The following MMS19 variants were observed in gnomAD, a reference collection of about 807,000 sequenced individuals.
The protein encoded by MMS19 is MMS19 nucleotide excision repair protein homolog.
In MMS19, 77 loss-of-function variants were observed where a neutral mutation model predicts 129.8. The observed-to-expected ratio is 0.59, with a 90% CI of 0.49 to 0.72. The LOEUF is 0.72. MMS19 is among the 30% of genes least tolerant of loss of function. The pLI is 0.00. For missense variants in MMS19, 1,168 were observed against 1,266.3 expected (o/e 0.92, Z 1.18); for synonymous variants, 491 against 502.8 (o/e 0.98, Z 0.31).
At chr10:97,496,754 C>T (rs2039870065) in intron 1 of MMS19, among the ~76,000 whole-genome samples, 3 of 152,080 alleles carry the variant, frequency 2.0e-5, no homozygotes, top group African/African-American at 2.4e-5. Flanking sequence ...AATCAGTGAA[C>T]GTACACTTAA....
chr10:97,463,753 C>CT (rs1394174860), intron 19 of MMS19, 105 bp downstream of exon 19: 225 of 1,042,096 alleles, frequency 2.2e-4, no homozygotes, highest in Non-Finnish European at 9.0e-5. Flanking sequence ...AAATAAACCT[C>CT]TGATGGTACA....
chr10:97,469,825 A>G (rs2034311087), intron 10 of MMS19, 102 bp from the exon 11 acceptor site: 12 of 941,120 alleles, frequency 1.3e-5, no homozygotes, highest in Middle Eastern at 6.1e-4. Flanking sequence ...TGGTCTCAGC[A>G]GAAAAACCAG....
At chr10:97,470,290 A>T in intron 9 of MMS19, 87 bp from the exon 10 acceptor site, 1 of 891,278 alleles carries the variant, frequency 1.1e-6, no homozygotes, top group Non-Finnish European at 1.8e-6. Context: ...ATCAGTCCCT[A>T]AAAGCAGGTA....
At chr10:97,460,463 T>C (rs1471794186) in intron 25 of MMS19, 1 of 619,216 alleles carries the variant, frequency 1.6e-6, no homozygotes, top group Non-Finnish European at 2.8e-6. Flanking sequence ...CCCAGCTACT[T>C]GCGAGGCTGA....
chr10:97,466,243 G>A, intron 16 of MMS19, 84 bp from the exon 17 acceptor site: 1 of 1,150,910 alleles, frequency 8.7e-7, no homozygotes, highest in South Asian at 1.3e-5. Context: ...AGATTCAGGA[G>A]TGTGAGCTCC....
At chr10:97,476,645 CA>C (rs781709075) in intron 8 of MMS19, 37 bp downstream of exon 8, 2 of 1,602,980 alleles carry the variant, frequency 1.2e-6, no homozygotes, top group Non-Finnish European at 1.7e-6. Context: ...AGCAGACACT[CA>C]ATAAATATAT....
At chr10:97,462,179 C>T (rs2032163862) in intron 20 of MMS19, 60 bp from the exon 21 acceptor site, 2 of 1,221,030 alleles carry the variant, frequency 1.6e-6, no homozygotes, top group Non-Finnish European at 2.4e-6. Flanking sequence ...CCCTCTCCTC[C>T]ACAGACGTGC....
intron 1 of MMS19, among the ~76,000 whole-genome samples, chr10:97,487,779 A>T (rs1003700936): frequency 6.6e-6 from 1 of 152,238 alleles, no homozygotes; most frequent in Non-Finnish European, 1.5e-5. Flanking sequence ...CCGATATATA[A>T]AGAGTTCCCA....
chr10:97,488,093 T>A (rs897890001), intron 1 of MMS19, among the ~76,000 whole-genome samples: 17 of 150,798 alleles, frequency 1.1e-4, no homozygotes, highest in Non-Finnish European at 2.2e-4. Flanking sequence ...TGTCTCAAAA[T>A]AAATAAATAA....
chr10:97,498,772 G>C (rs2040261688), upstream of MMS19: 1 of 280,976 alleles, frequency 3.6e-6, no homozygotes, highest in African/African-American at 2.2e-5. Flanking sequence ...CCTGGGGCGG[G>C]TGGTGGCGGC....
At chr10:97,485,232 G>A (rs1262888457) in intron 1 of MMS19, among the ~76,000 whole-genome samples, 2 of 151,886 alleles carry the variant, frequency 1.3e-5, no homozygotes, top group African/African-American at 2.4e-5. Flanking sequence ...GGGTTCAAGC[G>A]ATTCTCCTGC....
At chr10:97,459,778 CT>C in intron 26 of MMS19, 37 bp from the exon 27 acceptor site, 1 of 1,485,490 alleles carries the variant, frequency 6.7e-7, no homozygotes, top group Non-Finnish European at 9.3e-7. Context: ...AGAAATTGGA[CT>C]TAGATATATA....
intron 2 of MMS19, among the ~76,000 whole-genome samples, chr10:97,482,733 TATATACACAC>T (rs1165942862): frequency 8.8e-6 from 1 of 114,264 alleles, no homozygotes; most frequent in East Asian, 2.5e-4. Context: ...TGTGTGTATA[TATATACACAC>T]ACACACACAC....
At chr10:97,477,533 C>A (rs917446514) in intron 5 of MMS19, 117 bp from the exon 6 acceptor site, 5 of 1,382,444 alleles carry the variant, frequency 3.6e-6, no homozygotes, top group Non-Finnish European at 5.0e-6. Context: ...AGCATAAGAT[C>A]AATCTAAGAG....
chr10:97,494,411 G>C (rs2039451176), intron 1 of MMS19, among the ~76,000 whole-genome samples: 1 of 152,194 alleles, frequency 6.6e-6, no homozygotes. Flanking sequence ...GGGAAGTGAG[G>C]GGAAGCGGGT....
intron 1 of MMS19, among the ~76,000 whole-genome samples, chr10:97,495,102 A>G (rs539731877): frequency 6.6e-6 from 1 of 152,230 alleles, no homozygotes; most frequent in Non-Finnish European, 1.5e-5. Context: ...AGGGAACTCA[A>G]GCTGGGCCTT....
chr10:97,477,207 C>G, intron 6 of MMS19, 140 bp downstream of exon 6: 3 of 1,513,208 alleles, frequency 2.0e-6, no homozygotes, highest in Non-Finnish European at 2.6e-6. Context: ...TGGGAGGGAG[C>G]AGACCCCCTC....
rs29001284 is a variant in MMS19 at position 97,476,977 on chromosome 10, A to G, written c.494-14T>C. 1.2e-4 allele frequency: 187 copies of G among 1,613,676 alleles called. 1 individual carries two copies. The East Asian group carries it at 4.1e-3, about 36-fold the overall frequency. ...GGCTCTTTAGCTCTGGGAAGGAGAG[A>G]ATAAGGTTACTATACTGTCCCACAG... is the stretch of plus-strand genomic sequence containing the variant. On this transcript the variant is annotated splice_polypyrimidine_tract_variant and intron_variant, in intron 6 of 30. Transcript: ENST00000438925.
chr10:97,477,432 G>T lies in MMS19; in HGVS notation c.424-16C>A. 6.2e-7 allele frequency: 1 copy of T among 1,613,922 alleles called. No homozygotes were observed. The highest frequency in any genetic ancestry group is 8.5e-7 in the Non-Finnish European group (1 of 1,179,852). On this transcript the variant is annotated splice_polypyrimidine_tract_variant and intron_variant, in intron 5 of 30. Transcript: ENST00000438925. ...GTGGCAGGGACTTGGGGGTGGGGGA[G>T]AAAGAAGTGAAGAAAATGCTCAAAG...
Sources: allele counts gnomAD v4.1 joint callset (sites outside exome capture counted in the v4.1 genomes callset), GRCh38; gene constraint gnomAD v4.1.1; transcripts MANE v1.5; gene names NCBI Gene and HGNC (gene_info 2026-07-23, HGNC 2026-07-21).